The following L1CAM variants were observed in gnomAD, a reference collection of about 807,000 sequenced individuals.
L1CAM encodes the protein L1 cell adhesion molecule, also known as neural cell adhesion molecule L1.
Under a neutral mutation model 93.0 loss-of-function variants are expected in L1CAM, and 8 were observed. That is an observed-to-expected ratio of 0.09 (90% CI 0.05 to 0.16). L1CAM has a LOEUF of 0.16. L1CAM is among the 10% of genes least tolerant of loss of function. The pLI, the probability that L1CAM is intolerant of heterozygous loss-of-function variation, is 1.00. For missense variants in L1CAM, 777 were observed against 1,073.4 expected (o/e 0.72, Z 3.86); for synonymous variants, 453 against 453.0 (o/e 1.00, Z 0.00).
rs932075183 is a variant in L1CAM, at chrX:153,868,337, G to A, written c.1668C>T (p.Asp556=). Residue 556 remains aspartate, a synonymous_variant, in exon 14 of 29, where the codon GAC becomes GAT. Coordinates refer to ENST00000370060, the MANE Select transcript of L1CAM (RefSeq NM_001278116.2). ...SLQPSITWRG[D]GRDLQELGDS... The stretch of plus-strand genomic sequence containing the variant: ...CCCCAAGCTCCTGGAGGTCTCGACC[G>A]TCCCCACGCCAGGTGATGCTGGGCT... 28 of 1,210,188 alleles carry A rather than the reference G, an allele frequency of 2.3e-5. No individual in the cohort carries two copies. Among genetic ancestry groups the A allele is most frequent in the South Asian group, 1.1e-4 (6 of 56,828 alleles).
rs2064806565 is a variant in L1CAM, at chrX:153,875,563, A to T, written c.76+198T>A. ...GCGCCTGTCCCTGTCCATGGTCCTG[A>T]CACGCCCCGCACCTTCTACCCTGCC... On this transcript the variant is annotated intron_variant, in intron 2 of 28. Coordinates refer to ENST00000370060, the MANE Select transcript of L1CAM (RefSeq NM_001278116.2). 3.5e-5 allele frequency: 18 copies of T among 515,174 alleles called. No individual in the cohort carries two copies. The South Asian group carries it at 4.5e-4, about 13-fold the overall frequency. The allele number at this position is 515,174 out of a possible 1,213,427, so 42.5% of individuals were successfully genotyped here.
chrX:153,885,824 C>CT, intron 1 of L1CAM: 1 of 694,506 alleles, frequency 1.4e-6, no homozygotes, highest in Non-Finnish European at 1.6e-6. Flanking sequence ...ATCTGGGGCC[C>CT]CGCAGGTTAC....
intron 1 of L1CAM, chrX:153,880,564 G>A (rs977773718): frequency 6.1e-6 from 2 of 325,422 alleles, no homozygotes; most frequent in Non-Finnish European, 1.2e-5. Context: ...TGGGAGCCTG[G>A]GGGGCTTCTG....
chrX:153,869,700 C>T (rs1557092348), intron 10 of L1CAM, 37 bp from the exon 11 acceptor site: 3 of 1,202,917 alleles, frequency 2.5e-6, no homozygotes, highest in Non-Finnish European at 3.4e-6. Context: ...GGCCACAGCC[C>T]GGCATTGAGC....
intron 2 of L1CAM, chrX:153,875,490 C>A: frequency 2.1e-6 from 1 of 465,661 alleles, no homozygotes; most frequent in Admixed American, 2.8e-5. Context: ...GACCTCGGGG[C>A]CCTGCTCCAG....
At chrX:153,865,572 A>G in intron 20 of L1CAM, 72 bp from the exon 21 acceptor site, 1 of 1,068,077 alleles carries the variant, frequency 9.4e-7, no homozygotes, top group East Asian at 3.0e-5. Flanking sequence ...CACCCCCACC[A>G]CCCTTAATGG....
chrX:153,865,860 A>T, intron 19 of L1CAM, 41 bp from the exon 20 acceptor site: 5 of 952,805 alleles, frequency 5.2e-6, no homozygotes, highest in African/African-American at 1.9e-5. Context: ...ATAGGCTCTC[A>T]CCCCAGCCCT....
intron 23 of L1CAM, 37 bp downstream of exon 23, chrX:153,864,784 G>C: frequency 2.5e-6 from 3 of 1,211,417 alleles, no homozygotes; most frequent in Non-Finnish European, 2.2e-6. Flanking sequence ...CCGGCTGGCC[G>C]GGGCCTCCCT....
chrX:153,873,199 G>A, intron 3 of L1CAM, 29 bp downstream of exon 3: 1 of 1,205,154 alleles, frequency 8.3e-7, no homozygotes. Flanking sequence ...TGGCCTTCTG[G>A]GAAACACTCT....
At position 153,885,497 on chromosome X, in the gene L1CAM, C is replaced by A. The variant is rs782495622; in HGVS notation, c.-109+568G>T. 2.6e-5 allele frequency: 21 copies of A among 805,827 alleles called. No homozygotes were observed. The South Asian group carries it at 3.6e-4, about 14-fold the overall frequency. 66.4% of individuals were successfully genotyped at this position (805,827 alleles called of 1,213,427 possible). On this transcript the variant is annotated intron_variant, in intron 1 of 28. Transcript: ENST00000370060. ...GAAGAAGGAGGAGAACAAAGCCCCC[C>A]CAACCTTGGGGCGGAGGGGCAGGCA...
Position 153,869,556 on chromosome X carries a change from C to T in L1CAM, c.1231G>A (p.Gly411Arg), listed in dbSNP as rs1262433336. The change falls in exon 11 of 29, where the codon GGG becomes AGG. Residue 411 changes from glycine (G) to arginine (R), a missense_variant. Gly to Arg is a moderately radical substitution (Grantham distance 125, BLOSUM62 -2). This residue lies in a region of L1CAM where 574 missense variants were observed against 781.0 expected (regional missense o/e 0.73). Transcript: ENST00000370060. ...ATGTAGGCATTGGCCAGCAAGAGCCCGTGCCGGTTGCGGGCCTCACATTGG... is the reference window on the plus strand; with the variant it reads ...ATGTAGGCATTGGCCAGCAAGAGCCTGTGCCGGTTGCGGGCCTCACATTGG... ...VTQCEARNRH[G>R]LLLANAYIYV... 2 of 1,211,087 alleles carry T rather than the reference C, an allele frequency of 1.7e-6. No homozygotes were observed. Among genetic ancestry groups the T allele is most frequent in the Non-Finnish European group, 2.2e-6 (2 of 895,293 alleles).
At chrX:153,863,764 G>T in intron 26 of L1CAM, 119 bp downstream of exon 26, 1 of 1,038,949 alleles carries the variant, frequency 9.6e-7, no homozygotes, top group Non-Finnish European at 1.3e-6. Flanking sequence ...CCCCCACCAT[G>T]CGCCTGTCAT....
chrX:153,866,542 T>A (rs1026368187), intron 19 of L1CAM, 107 bp downstream of exon 19: 1 of 553,795 alleles, frequency 1.8e-6, no homozygotes. Flanking sequence ...TAAGAGAATA[T>A]CCTCATCCTT....
chrX:153,872,676 G>T lies in L1CAM; in HGVS notation c.113C>A (p.Thr38Lys). Residue 38 changes from threonine (T) to lysine (K), a missense_variant, in exon 4 of 29, where the codon ACG (threonine) becomes AAG (lysine). By Grantham distance (78) the Thr-to-Lys change is moderately conservative. Around this residue, in one of 5 missense-constraint regions of L1CAM, gnomAD observed 574 missense variants for 781.0 expected, o/e 0.73. Transcript: ENST00000370060. ...GHHVMEPPVI[T>K]EQSPRRLVVF... ...AACCAGGCGCCGTGGAGACTGTTCC[G>T]TGATGACAGGTGGCTCCATCACTGA... is the stretch of plus-strand genomic sequence containing the variant. 1 of 1,208,726 alleles carries T rather than the reference G, an allele frequency of 8.3e-7. No individual in the cohort carries two copies. The highest frequency in any genetic ancestry group is 1.1e-6 in the Non-Finnish European group (1 of 893,000).
At position 153,870,926 on chromosome X, in the gene L1CAM, C is replaced by T. The variant is rs782773215; in HGVS notation, c.558G>A (p.Thr186=). The T allele has an allele frequency of 3.3e-6, 4 of 1,208,801 alleles. No individual in the cohort carries two copies. The African/African-American group carries it at 7.0e-5, about 21-fold the overall frequency. ...ILHIKQDERV[T]MGQNGNLYFA... ...AGTAGAGGTTGCCGTTCTGGCCCAT[C>T]GTCACCCGCTCGTCCTGCTTGATGT... The change falls in exon 7 of 29, where the codon ACG becomes ACA. Residue 186 remains threonine, a synonymous_variant. Transcript: ENST00000370060.
chrX:153,868,201 C>T (rs959828831), intron 14 of L1CAM, 79 bp from the exon 15 acceptor site: 107 of 1,200,519 alleles, frequency 8.9e-5, no homozygotes, highest in Non-Finnish European at 7.9e-5. Context: ...CTCCTTCCCC[C>T]GCTCCTGTCA....
chrX:153,864,284 C>A (rs782528024), intron 25 of L1CAM, 38 bp downstream of exon 25: 1 of 1,201,303 alleles, frequency 8.3e-7, no homozygotes, highest in Admixed American at 2.2e-5. Context: ...AGCCCCCATG[C>A]TTCCCTGGCA....
At chrX:153,870,664 A>C in intron 7 of L1CAM, 126 bp downstream of exon 7, 1 of 826,357 alleles carries the variant, frequency 1.2e-6, no homozygotes, top group Non-Finnish European at 1.8e-6. Context: ...GGGTCTGGGC[A>C]GGGTAGAGGT....
rs782614333 is a variant in L1CAM at position 153,866,610 on chromosome X, G to A, written c.2431+39C>T. On this transcript the variant is annotated intron_variant, in intron 19 of 28. Coordinates refer to ENST00000370060, the MANE Select transcript of L1CAM (RefSeq NM_001278116.2). The stretch of plus-strand genomic sequence containing the variant: ...GACATGGGCTGGGGTGGAAGCAGGC[G>A]AGCTCAACCGTGGGCGAGGGGCCCT... 11 of 1,071,010 alleles carry A rather than the reference G, an allele frequency of 1.0e-5. No individual in the cohort carries two copies. In the Admixed American group the frequency reaches 1.3e-4, roughly 13 times the overall value. The allele number at this position is 1,071,010 out of a possible 1,213,427, so 88.3% of individuals were successfully genotyped here.
Sources: allele counts gnomAD v4.1 joint callset, GRCh38; gene constraint gnomAD v4.1.1; regional missense constraint gnomAD v4.1.1; transcripts MANE v1.5; gene names NCBI Gene and HGNC (gene_info 2026-07-23, HGNC 2026-07-21).